Variants in FDFT1 observed in about 807,000 individuals in gnomAD.
FDFT1 encodes farnesyl-diphosphate farnesyltransferase 1.
FDFT1 carries 68 observed loss-of-function variants against 46.8 expected under a neutral mutation model. That is an observed-to-expected ratio of 1.45 (90% CI 1.19 to 1.78). FDFT1 has a LOEUF of 1.78. Among genes scored for constraint, FDFT1 ranks in the 40% most tolerant of loss-of-function variants. FDFT1 has a pLI of 0.00. For synonymous variants in FDFT1, 351 were observed against 185.1 expected (o/e 1.90, Z -7.28); for missense variants, 928 against 524.4 (o/e 1.77, Z -7.52).
At chr8:11,835,679 AAAGTAC>A (rs1462201930) in intron 7 of FDFT1, among the ~76,000 whole-genome samples, 1 of 152,232 alleles carries the variant, frequency 6.6e-6, no homozygotes. Flanking sequence ...ACAGGCTAAC[AAAGTAC>A]AAGTAGATGA....
Position 11,803,009 on chromosome 8 carries a change from C to G in FDFT1, c.99+78C>G, listed in dbSNP as rs1007649641. 48 of 1,529,150 alleles carry G rather than the reference C, an allele frequency of 3.1e-5. No homozygotes were observed. The Admixed American group carries it at 5.9e-4, about 19-fold the overall frequency. The allele number at this position is 1,529,150 out of a possible 1,614,324, so 94.7% of individuals were successfully genotyped here. A position where few individuals can be genotyped will look rare whatever the true frequency, so the allele number is the denominator to read the frequency against. On this transcript the variant is annotated intron_variant, in intron 1 of 7. Coordinates refer to ENST00000220584, the MANE Select transcript of FDFT1 (RefSeq NM_004462.5). ...GCCTCAGGGCCTGAGCGGCCGGGCC[C>G]GGATCTGGGGCAAGGGGCGCGGCGA...
chr8:11,816,064 C>A (rs1222532446), intron 3 of FDFT1, among the ~76,000 whole-genome samples: 5 of 152,162 alleles, frequency 3.3e-5, no homozygotes, highest in Admixed American at 2.6e-4. Context: ...AGGAAGGGAT[C>A]CAGTTTCAGC....
chr8:11,824,517 TC>T (rs1809695227), intron 4 of FDFT1, among the ~76,000 whole-genome samples: 1 of 152,056 alleles, frequency 6.6e-6, no homozygotes, highest in African/African-American at 2.4e-5. Flanking sequence ...CCTTGAACCT[TC>T]CTGGGTTCAA....
chr8:11,810,105 G>C lies in FDFT1; in HGVS notation c.381+255G>C, dbSNP rs371912664. ...CTCAGTTTCTTCATCTGTAAAATAGGGGTAATAATAACACCTACCTCATGG... is the reference window on the plus strand; with the variant it reads ...CTCAGTTTCTTCATCTGTAAAATAGCGGTAATAATAACACCTACCTCATGG... On this transcript the variant is annotated intron_variant, in intron 3 of 7. Transcript: ENST00000220584. 6.0e-4 allele frequency: 264 copies of C among 437,058 alleles called. 2 individuals are homozygous for C. The highest frequency in any genetic ancestry group is 5.0e-3 in the African/African-American group (250 of 49,708). The allele number at this position is 437,058 out of a possible 1,614,324, so 27.1% of individuals were successfully genotyped here. A position where few individuals can be genotyped will look rare whatever the true frequency, so the allele number is the denominator to read the frequency against.
At chr8:11,819,269 C>CA (rs1808891393) in intron 3 of FDFT1, among the ~76,000 whole-genome samples, 1 of 152,202 alleles carries the variant, frequency 6.6e-6, no homozygotes, top group Non-Finnish European at 1.5e-5. Flanking sequence ...TTCTCTCTGG[C>CA]AGCCCTTAAC....
chr8:11,796,976 A>G (rs1316568366), intron 1 of FDFT1, among the ~76,000 whole-genome samples: 1 of 152,256 alleles, frequency 6.6e-6, no homozygotes, highest in East Asian at 1.9e-4. Flanking sequence ...AGTCAGATCT[A>G]TATCTACTTT....
chr8:11,799,960 TGAA>T (rs1179982071), upstream of FDFT1, among the ~76,000 whole-genome samples: 297 of 93,744 alleles, frequency 3.2e-3, 2 homozygotes, highest in Middle Eastern at 8.2e-3. Context: ...AAAAAAAAAA[TGAA>T]GAAGAAATAG....
At chr8:11,816,460 G>C (rs1328663389) in intron 3 of FDFT1, among the ~76,000 whole-genome samples, 1 of 152,224 alleles carries the variant, frequency 6.6e-6, no homozygotes, top group Non-Finnish European at 1.5e-5. Flanking sequence ...ACCTTGGGCA[G>C]TATAGCCATT....
chr8:11,804,395 T>A (rs1049714221), intron 1 of FDFT1, among the ~76,000 whole-genome samples: 3 of 152,138 alleles, frequency 2.0e-5, no homozygotes, highest in African/African-American at 7.2e-5. Context: ...CAGTATACTG[T>A]TTTTGTACAT....
intron 1 of FDFT1, 46 bp downstream of exon 1, chr8:11,802,977 T>A (rs755011347): frequency 6.4e-7 from 1 of 1,556,428 alleles, no homozygotes; most frequent in Admixed American, 1.9e-5. Context: ...AGGAGCTCGC[T>A]GGGCCGGCCT....
At chr8:11,820,839 C>A (rs1055421920) in intron 3 of FDFT1, among the ~76,000 whole-genome samples, 2 of 152,224 alleles carry the variant, frequency 1.3e-5, no homozygotes, top group South Asian at 4.1e-4. Flanking sequence ...GAGGTGACGT[C>A]CTGCCCTGCT....
Position 11,808,113 on chromosome 8 carries a change from G to A in FDFT1, c.100-681G>A, listed in dbSNP as rs1295035175. On this transcript the variant is annotated intron_variant, in intron 1 of 7. Coordinates refer to ENST00000220584, the MANE Select transcript of FDFT1 (RefSeq NM_004462.5). ...GGGTGATCAGATACTGAAGTTGGGG[G>A]ATTCTGGTCAAATCAATTTAGCAGG... The A allele has an allele frequency of 9.7e-6, 3 of 310,840 alleles. 1 individual carries two copies. Among genetic ancestry groups the A allele is most frequent in the Non-Finnish European group, 1.4e-5 (3 of 210,702 alleles). The allele number at this position is 310,840 out of a possible 1,614,324, so 19.3% of individuals were successfully genotyped here. A position where few individuals can be genotyped will look rare whatever the true frequency, so the allele number is the denominator to read the frequency against.
chr8:11,795,724 G>A (rs1278268731), exon 1 of FDFT1: 1 of 152,134 alleles, frequency 6.6e-6, no homozygotes, highest in Admixed American at 6.6e-5. Flanking sequence ...CCTGAAGCCA[G>A]TAAGACAACG....
At position 11,838,918 on chromosome 8, in the gene FDFT1, A is replaced by C. The variant is rs777746984; in HGVS notation, c.*309A>C. Reference sequence around the variant, plus strand: ...ATGTGACTGTCATGAGATCCTACTTAGTATGATCCTGGCTAGAATGATAAT... The same window carrying C: ...ATGTGACTGTCATGAGATCCTACTTCGTATGATCCTGGCTAGAATGATAAT... On this transcript the variant is annotated 3_prime_UTR_variant, in exon 8 of 8. Coordinates refer to ENST00000220584, the MANE Select transcript of FDFT1 (RefSeq NM_004462.5). The C allele has an allele frequency of 2.8e-6, 1 of 356,068 alleles. No homozygotes were observed. Among genetic ancestry groups the C allele is most frequent in the African/African-American group, 2.1e-5 (1 of 46,674 alleles). 22.1% of individuals were successfully genotyped at this position (356,068 alleles called of 1,614,324 possible).
chr8:11,799,863 T>A (rs1029264563), upstream of FDFT1, among the ~76,000 whole-genome samples: 3 of 150,936 alleles, frequency 2.0e-5, no homozygotes, highest in East Asian at 5.9e-4. Flanking sequence ...GGAGACTCAC[T>A]TGAACCTGGG....
At position 11,838,640 on chromosome 8, in the gene FDFT1, A is replaced by G. The variant is rs747912998; in HGVS notation, c.*31A>G. On this transcript the variant is annotated 3_prime_UTR_variant, in exon 8 of 8. Transcript: ENST00000220584. ...AATTTGTCCATAGCTGAAGTCCACC[A>G]TAAAGTGGATTTACTTTTTTTCTTT... 6.0e-6 allele frequency: 9 copies of G among 1,506,914 alleles called. No individual in the cohort carries two copies. In the South Asian group the frequency reaches 1.0e-4, roughly 17 times the overall value. The allele number at this position is 1,506,914 out of a possible 1,614,324, so 93.3% of individuals were successfully genotyped here.
In FDFT1 at chr8:11,813,063, T is replaced by C. The variant is rs1585898872; in HGVS notation, c.381+3213T>C. Among the ~76,000 whole-genome samples the C allele has an allele frequency of 8.5e-5, 13 of 152,352 alleles. No homozygotes were observed. In the South Asian group the frequency reaches 2.7e-3, roughly 32 times the overall value. On this transcript the variant is annotated intron_variant, in intron 3 of 7. Transcript: ENST00000220584. ...TCCAAGGCTGCACATCTCTACAGGA[T>C]GGTACTGTACTGAATACTGTAGGCA...
intron 1 of FDFT1, 161 bp downstream of exon 1, chr8:11,803,092 G>A (rs759485829): frequency 6.9e-7 from 1 of 1,438,874 alleles, no homozygotes; most frequent in African/African-American, 1.4e-5. Context: ...CCCCTGTAGG[G>A]CCCGGGTGGA....
At chr8:11,819,741 T>A (rs2898300) in intron 3 of FDFT1, among the ~76,000 whole-genome samples, 30,665 of 151,968 alleles carry the variant, frequency 0.2, 4,512 homozygotes, top group East Asian at 0.75. Flanking sequence ...AGTTAGCCAT[T>A]TGTCCAACCT....
Sources: gnomAD v4.1 joint callset for allele counts (sites outside exome capture counted in the v4.1 genomes callset) on GRCh38, gnomAD v4.1.1 for gene constraint, MANE v1.5 for transcripts, NCBI Gene and HGNC (gene_info 2026-07-23, HGNC 2026-07-21) for gene names.